Variants in SORBS2 observed in about 807,000 individuals in gnomAD.
The protein encoded by SORBS2 is sorbin and SH3 domain containing 2, also known as sorbin and SH3 domain-containing protein 2.
In SORBS2, 46 loss-of-function variants were observed where a neutral mutation model predicts 97.7. The observed-to-expected ratio is 0.47, with a 90% CI of 0.37 to 0.60. The LOEUF (loss-of-function observed/expected upper bound fraction) is 0.60. SORBS2 is among the 20% of genes least tolerant of loss of function. The probability of loss-of-function intolerance (pLI) is 0.00; values close to 1 mark genes in which losing one functional copy is unlikely to be tolerated. For missense variants in SORBS2, 1,316 were observed against 1,282.3 expected, an observed-to-expected ratio of 1.03 and a Z score of -0.40; for synonymous variants, 476 against 473.4, an observed-to-expected ratio of 1.01 and a Z score of -0.07.
At chr4:185,790,198 A>G (rs1297961930) in intron 1 of SORBS2, among the ~76,000 whole-genome samples, 4 of 152,070 alleles carry the variant, frequency 2.6e-5, no homozygotes, top group Admixed American at 1.3e-4. Flanking sequence ...CACATTTGCT[A>G]TGAAAAAAAA....
chr4:185,819,342 A>G (rs991406310), intron 1 of SORBS2, among the ~76,000 whole-genome samples: 2 of 152,208 alleles, frequency 1.3e-5, no homozygotes, highest in Admixed American at 1.3e-4. Flanking sequence ...CATCAGGTCC[A>G]TGTTCCAGGC....
chr4:185,952,346 G>T (rs1175453906), intron 1 of SORBS2, among the ~76,000 whole-genome samples: 1 of 152,092 alleles, frequency 6.6e-6, no homozygotes, highest in Non-Finnish European at 1.5e-5. Flanking sequence ...TTTTATAGTG[G>T]CCCTTCACCT....
At chr4:185,775,389 G>C (rs1201146035) in intron 1 of SORBS2, 23 bp from the exon 2 acceptor site, 3 of 152,610 alleles carry the variant, frequency 2.0e-5, no homozygotes, top group South Asian at 2.1e-4. Context: ...AAGCAAGAGA[G>C]AGGCAAATGA....
chr4:185,925,011 C>T lies in SORBS2; in HGVS notation c.-338+31185G>A, dbSNP rs139095154. On this transcript the variant is annotated intron_variant, in intron 1 of 20. Coordinates refer to the SORBS2 transcript ENST00000284776. ...CTGACAAGGCTTTTCAGTGAATACACGCAGCATTAAAACAATGGCCATATT... is the reference window on the plus strand; with the variant it reads ...CTGACAAGGCTTTTCAGTGAATACATGCAGCATTAAAACAATGGCCATATT... Among the ~76,000 whole-genome samples the T allele has an allele frequency of 2.8e-3, 429 of 152,214 alleles. 3 individuals carry two copies. The highest frequency in any genetic ancestry group is 9.6e-3 in the African/African-American group (400 of 41,514).
intron 1 of SORBS2, among the ~76,000 whole-genome samples, chr4:185,917,115 G>A (rs954453130): frequency 3.3e-5 from 5 of 152,328 alleles, no homozygotes; most frequent in Non-Finnish European, 7.3e-5. Context: ...GAAGCTTCTG[G>A]AGAGCTGAAT....
At chr4:185,843,308 C>T (rs924410141) in intron 1 of SORBS2, among the ~76,000 whole-genome samples, 10 of 152,140 alleles carry the variant, frequency 6.6e-5, no homozygotes, top group African/African-American at 2.2e-4. Context: ...AAAAGGTATC[C>T]ACTTTCACCA....
At chr4:185,646,430 T>A in intron 4 of SORBS2, 1 of 324,462 alleles carries the variant, frequency 3.1e-6, no homozygotes, top group Non-Finnish European at 5.4e-6. Context: ...TATATATATA[T>A]ATAAATACAC....
intron 1 of SORBS2, among the ~76,000 whole-genome samples, chr4:185,934,894 G>C (rs2099268228): frequency 2.0e-5 from 3 of 152,018 alleles, no homozygotes; most frequent in Admixed American, 2.0e-4. Flanking sequence ...CCCCCTCTGT[G>C]CATCCCTAGA....
chr4:185,657,631 G>C (rs752888823), upstream of SORBS2: 1 of 1,561,962 alleles, frequency 6.4e-7, no homozygotes, highest in South Asian at 1.2e-5. Flanking sequence ...GAACGTATTC[G>C]TTGCACAGGG....
chr4:185,611,125 A>T (rs1162219020), intron 12 of SORBS2, among the ~76,000 whole-genome samples: 1 of 152,150 alleles, frequency 6.6e-6, no homozygotes, highest in Admixed American at 6.5e-5. Flanking sequence ...CCTAAAACTG[A>T]TAAAACAAAC....
intron 1 of SORBS2, among the ~76,000 whole-genome samples, chr4:185,905,850 TA>T (rs777577343): frequency 2.7e-4 from 41 of 152,228 alleles, no homozygotes; most frequent in Admixed American, 1.6e-3. Context: ...GCAAGACAAA[TA>T]AGGTAGTCAG....
intron 7 of SORBS2, among the ~76,000 whole-genome samples, chr4:185,622,407 A>G (rs1369532742): frequency 3.9e-5 from 6 of 152,162 alleles, no homozygotes; most frequent in Admixed American, 1.3e-4. Context: ...AACAAACCCT[A>G]ATTTCTTTGT....
intron 1 of SORBS2, among the ~76,000 whole-genome samples, chr4:185,653,787 C>G (rs1371438118): frequency 6.6e-6 from 1 of 152,164 alleles, no homozygotes; most frequent in Non-Finnish European, 1.5e-5. Flanking sequence ...ATCGTACTCA[C>G]AGATTTTGCT....
chr4:185,864,084 C>G (rs1436164170), intron 1 of SORBS2, among the ~76,000 whole-genome samples: 1 of 152,182 alleles, frequency 6.6e-6, no homozygotes, highest in African/African-American at 2.4e-5. Context: ...TTAATTTTAA[C>G]TCTCTTATCA....
Position 185,766,318 on chromosome 4 carries a change from A to G in SORBS2, c.-198+8909T>C, listed in dbSNP as rs1445331878. On this transcript the variant is annotated intron_variant, in intron 2 of 20. Coordinates refer to the SORBS2 transcript ENST00000284776. ...ACTTGGCTCTGCTGGGACCACAAGGATGGGCTTTCTCATCTCACCGTACAT... is the reference window on the plus strand; with the variant it reads ...ACTTGGCTCTGCTGGGACCACAAGGGTGGGCTTTCTCATCTCACCGTACAT... Among the ~76,000 whole-genome samples the G allele has an allele frequency of 2.6e-5, 4 of 152,184 alleles. No homozygotes were observed. In the East Asian group the frequency reaches 7.7e-4, roughly 29 times the overall value.
intron 1 of SORBS2, among the ~76,000 whole-genome samples, chr4:185,893,901 T>C (rs2099243716): frequency 6.6e-6 from 1 of 152,134 alleles, no homozygotes; most frequent in Non-Finnish European, 1.5e-5. Flanking sequence ...TTCAGCAGCG[T>C]CAGACTTTAG....
intron 1 of SORBS2, among the ~76,000 whole-genome samples, chr4:185,818,338 C>T (rs1340264273): frequency 1.3e-5 from 2 of 151,930 alleles, no homozygotes; most frequent in East Asian, 2.0e-4. Flanking sequence ...TACAGGTGTC[C>T]GCCACCACAC....
intron 2 of SORBS2, among the ~76,000 whole-genome samples, chr4:185,692,390 GT>G (rs1278898598): frequency 6.6e-6 from 1 of 152,208 alleles, no homozygotes; most frequent in African/African-American, 2.4e-5. Flanking sequence ...ATGATCACCT[GT>G]CAAGAAAGAC....
chr4:185,775,528 C>A (rs552722593), intron 1 of SORBS2, 162 bp from the exon 2 acceptor site: 2 of 152,306 alleles, frequency 1.3e-5, no homozygotes, highest in South Asian at 2.1e-4. Flanking sequence ...CGCCACCCCC[C>A]ACTCCAGGGG....
Sources: allele counts gnomAD v4.1 joint callset (sites outside exome capture counted in the v4.1 genomes callset), GRCh38; gene constraint gnomAD v4.1.1; transcripts MANE v1.5; gene names NCBI Gene and HGNC (gene_info 2026-07-23, HGNC 2026-07-21).